The following C20orf203 variants were observed in gnomAD, a reference collection of about 807,000 sequenced individuals.
C20orf203 encodes the protein uncharacterized protein C20orf203.
A neutral mutation model predicts 15.9 loss-of-function variants in C20orf203; 16 were observed. The observed-to-expected ratio is 1.01, with a 90% CI of 0.68 to 1.53. The LOEUF (loss-of-function observed/expected upper bound fraction) is 1.53, where lower values mean the gene tolerates loss of function less well. Among genes scored for constraint, C20orf203 ranks in the 40% most tolerant of loss-of-function variants. C20orf203 has a pLI of 0.00. For missense variants in C20orf203, 263 were observed against 247.5 expected (o/e 1.06, Z -0.42); for synonymous variants, 98 against 97.2 (o/e 1.01, Z -0.05).
chr20:32,665,699 C>T (rs1260196649), intron 1 of C20orf203, among the ~76,000 whole-genome samples: 1 of 152,198 alleles, frequency 6.6e-6, no homozygotes, highest in Non-Finnish European at 1.5e-5. Flanking sequence ...GGTGCGGTGG[C>T]TCATGCCTGT....
intron 1 of C20orf203, among the ~76,000 whole-genome samples, chr20:32,663,877 C>A (rs189417882): frequency 2.2e-4 from 33 of 152,362 alleles, no homozygotes; most frequent in Non-Finnish European, 1.6e-4. Flanking sequence ...AACCCCTGCC[C>A]GGGGCCCTCT....
chr20:32,643,359 A>T (rs890840607), intron 4 of C20orf203, among the ~76,000 whole-genome samples: 2 of 152,206 alleles, frequency 1.3e-5, no homozygotes, highest in African/African-American at 4.8e-5. Context: ...TAATAGAGGT[A>T]AAATGCCAGT....
At chr20:32,638,480 G>A (rs1452245586) in intron 5 of C20orf203, among the ~76,000 whole-genome samples, 1 of 152,176 alleles carries the variant, frequency 6.6e-6, no homozygotes, top group Non-Finnish European at 1.5e-5. Flanking sequence ...CACTTGCCCA[G>A]GGTCACAGAG....
intron 1 of C20orf203, among the ~76,000 whole-genome samples, chr20:32,667,094 A>G (rs1272700583): frequency 6.6e-6 from 1 of 152,058 alleles, no homozygotes; most frequent in Non-Finnish European, 1.5e-5. Flanking sequence ...CCACATTTCA[A>G]GTGCTCAGCA....
At chr20:32,645,809 G>A (rs1194553901) in intron 4 of C20orf203, among the ~76,000 whole-genome samples, 1 of 152,224 alleles carries the variant, frequency 6.6e-6, no homozygotes, top group African/African-American at 2.4e-5. Flanking sequence ...AGGCAGCAGT[G>A]GGCATCACAC....
chr20:32,642,183 T>C (rs1217605486), intron 4 of C20orf203, among the ~76,000 whole-genome samples: 2 of 152,198 alleles, frequency 1.3e-5, no homozygotes, highest in African/African-American at 2.4e-5. Flanking sequence ...TTGTTGGAAG[T>C]AGCATTTAGA....
Position 32,650,901 on chromosome 20 carries a change from C to A in C20orf203, c.136-20G>T. The A allele has an allele frequency of 1.4e-6, 2 of 1,445,200 alleles. No homozygotes were observed. The highest frequency in any genetic ancestry group is 1.8e-6 in the Non-Finnish European group (2 of 1,096,036). The allele number at this position is 1,445,200 out of a possible 1,614,324, so 89.5% of individuals were successfully genotyped here. A position where few individuals can be genotyped will look rare whatever the true frequency, so the allele number is the denominator to read the frequency against. The stretch of plus-strand genomic sequence containing the variant: ...TGTGGCCTGTTGGGAACAAGGCCCC[C>A]AAGAAGATCATAGAATCTTAGTACC... On this transcript the variant is annotated intron_variant, in intron 3 of 5. Transcript: ENST00000608990.
At position 32,650,340 on chromosome 20, in the gene C20orf203, T is replaced by G; in HGVS notation, c.*92A>C. 1.1e-6 allele frequency: 1 copy of G among 894,954 alleles called. No homozygotes were observed. Among genetic ancestry groups the G allele is most frequent in the Non-Finnish European group, 1.7e-6 (1 of 575,334 alleles). The allele number at this position is 894,954 out of a possible 1,614,324, so 55.4% of individuals were successfully genotyped here. On this transcript the variant is annotated 3_prime_UTR_variant, in exon 4 of 6. Transcript: ENST00000608990. ...CCCCCACTCTGGGGAGCAGAATGAT[T>G]GTGGGGGGTGGTAACAGGGGACACC...
chr20:32,646,160 TCTTG>T (rs1165489571), intron 4 of C20orf203, among the ~76,000 whole-genome samples: 1 of 148,542 alleles, frequency 6.7e-6, no homozygotes, highest in Non-Finnish European at 1.5e-5. Flanking sequence ...TGAGACAGAG[TCTTG>T]CTTGATCCCA....
chr20:32,634,115 C>T lies in C20orf203; in HGVS notation c.*1455G>A, dbSNP rs1982074839. 4 of 398,436 alleles carry T rather than the reference C, an allele frequency of 1.0e-5. No homozygotes were observed. The highest frequency in any genetic ancestry group is 3.6e-5 in the East Asian group (1 of 28,090). The allele number at this position is 398,436 out of a possible 1,614,324, so 24.7% of individuals were successfully genotyped here. ...TGTCCTTGGGGGACACAGAAAACAACAAAGAAATGGCACTTGTTACCCAGA... is the reference window on the plus strand; with the variant it reads ...TGTCCTTGGGGGACACAGAAAACAATAAAGAAATGGCACTTGTTACCCAGA... On this transcript the variant is annotated 3_prime_UTR_variant, in exon 6 of 6. Coordinates refer to ENST00000608990, the MANE Select transcript of C20orf203 (RefSeq NM_182584.4).
chr20:32,659,999 G>A (rs1982853393), intron 1 of C20orf203, among the ~76,000 whole-genome samples: 2 of 152,140 alleles, frequency 1.3e-5, no homozygotes. Context: ...TGGCCAGTGT[G>A]CTGTCCTGTA....
chr20:32,665,725 G>A (rs1983002989), intron 1 of C20orf203, among the ~76,000 whole-genome samples: 1 of 152,198 alleles, frequency 6.6e-6, no homozygotes, highest in Non-Finnish European at 1.5e-5. Flanking sequence ...CAGCACTTTG[G>A]GAGGCCAAGG....
intron 1 of C20orf203, among the ~76,000 whole-genome samples, chr20:32,662,222 C>T (rs1425539711): frequency 6.6e-6 from 1 of 152,190 alleles, no homozygotes; most frequent in Admixed American, 6.6e-5. Context: ...GTTTTGGGGG[C>T]TTGTTCTAAA....
rs762026064 is a variant in C20orf203, at chr20:32,651,054, G to A, written c.99C>T (p.Ala33=). ...LDHRQWPPRL[A]SFPFTKTGML... is the part of the protein sequence containing the mutation. ...TTCCAGTTTTTGTAAAGGGAAAACT[G>A]GCCAGGCGAGGTGGCCACTGCCTGT... The change falls in exon 3 of 6, where the codon GCC becomes GCT. Residue 33 remains alanine, a synonymous_variant. Transcript: ENST00000608990. The A allele has an allele frequency of 2.6e-6, 4 of 1,524,658 alleles. No individual in the cohort carries two copies. The South Asian group carries it at 5.0e-5, about 19-fold the overall frequency. The allele number at this position is 1,524,658 out of a possible 1,614,324, so 94.4% of individuals were successfully genotyped here. A position where few individuals can be genotyped will look rare whatever the true frequency, so the allele number is the denominator to read the frequency against.
At chr20:32,665,077 C>A (rs1000460368) in intron 1 of C20orf203, among the ~76,000 whole-genome samples, 8 of 152,328 alleles carry the variant, frequency 5.3e-5, no homozygotes, top group African/African-American at 1.7e-4. Context: ...CAAGTAAGTT[C>A]CCCTGATGGA....
intron 1 of C20orf203, among the ~76,000 whole-genome samples, chr20:32,662,885 A>T (rs929589822): frequency 3.7e-5 from 1 of 26,816 alleles, no homozygotes; most frequent in East Asian, 2.3e-4. Context: ...CTGTCTCTAT[A>T]AAAAAAAAAA....
Position 32,645,130 on chromosome 20 carries a change from C to T in C20orf203, c.*1177+4125G>A, listed in dbSNP as rs558313765. Among the ~76,000 whole-genome samples the T allele has an allele frequency of 6.6e-5, 10 of 152,228 alleles. No homozygotes were observed. In the South Asian group the frequency reaches 1.5e-3, roughly 22 times the overall value. On this transcript the variant is annotated intron_variant, in intron 4 of 5. Transcript: ENST00000608990. ...ATCTGGCCCCTAACAGCCTGGCCCA[C>T]ACTGTGGATGGAGAAACTGGCACTT...
chr20:32,647,016 C>A (rs868721125), intron 4 of C20orf203, among the ~76,000 whole-genome samples: 1 of 152,234 alleles, frequency 6.6e-6, no homozygotes, highest in Non-Finnish European at 1.5e-5. Context: ...CACCACATGA[C>A]ACTTGATGTG....
At chr20:32,655,098 C>A (rs1198544037) in intron 1 of C20orf203, among the ~76,000 whole-genome samples, 2 of 152,166 alleles carry the variant, frequency 1.3e-5, no homozygotes, top group African/African-American at 4.8e-5. Context: ...AGAGGTCAGA[C>A]CCCTGCCTCA....
Sources: allele counts gnomAD v4.1 joint callset (sites outside exome capture counted in the v4.1 genomes callset), GRCh38; gene constraint gnomAD v4.1.1; transcripts MANE v1.5; gene names NCBI Gene and HGNC (gene_info 2026-07-23, HGNC 2026-07-21).